Variants in PRIM2 observed in about 807,000 individuals in gnomAD.
PRIM2 encodes the protein DNA primase large subunit.
PRIM2 carries 39 observed loss-of-function variants against 67.3 expected under a neutral mutation model. That is an observed-to-expected ratio of 0.58 (90% CI 0.45 to 0.76). PRIM2 has a LOEUF of 0.76. PRIM2 is among the 30% of genes least tolerant of loss of function. PRIM2 has a pLI of 0.00. For synonymous variants in PRIM2, 143 were observed against 198.7 expected (o/e 0.72, Z 2.36); for missense variants, 398 against 598.7 (o/e 0.66, Z 3.50).
intron 5 of PRIM2, among the ~76,000 whole-genome samples, chr6:57,357,898 C>T (rs927408013): frequency 3.3e-5 from 5 of 152,170 alleles, no homozygotes; most frequent in African/African-American, 1.2e-4. Flanking sequence ...CCGGCTTCCT[C>T]TGTCAGAGCA....
intron 10 of PRIM2, among the ~76,000 whole-genome samples, chr6:57,542,938 G>GGTTTTTTTT (rs1581980392): frequency 3.5e-5 from 2 of 56,886 alleles, no homozygotes; most frequent in African/African-American, 1.1e-4. Context: ...CTGCTTATAG[G>GGTTTTTTTT]ATTTTTTTTT....
intron 7 of PRIM2, among the ~76,000 whole-genome samples, chr6:57,505,512 T>G (rs1368421018): frequency 5.3e-5 from 8 of 152,084 alleles, no homozygotes; most frequent in Non-Finnish European, 1.2e-4. Flanking sequence ...AAAAGGAAAA[T>G]TTTAAGAAAA....
intron 10 of PRIM2, among the ~76,000 whole-genome samples, chr6:57,551,764 C>G (rs1490328884): frequency 3.9e-4 from 60 of 152,144 alleles, no homozygotes; most frequent in Non-Finnish European, 5.3e-4. Flanking sequence ...TTGGTGATTA[C>G]TGCTATGAAG....
At chr6:57,430,359 T>C (rs1223348904) in intron 7 of PRIM2, among the ~76,000 whole-genome samples, 4 of 151,918 alleles carry the variant, frequency 2.6e-5, no homozygotes, top group Admixed American at 6.6e-5. Context: ...CCAGAAGACA[T>C]TGGATTAAAG....
Position 57,342,759 on chromosome 6 carries a change from G to A in PRIM2, c.459+16714G>A, listed in dbSNP as rs571868007. 4.0e-4 allele frequency among the ~76,000 whole-genome samples: 61 copies of A among 152,316 alleles called. 1 individual carries two copies. The South Asian group carries it at 0.011, about 28-fold the overall frequency. On this transcript the variant is annotated intron_variant, in intron 5 of 13. Transcript: ENST00000615550. ...GACCTAGTGTTCAGTTGCTATTTAT[G>A]TTCAGGGAAGTGAGGGCTTTTGGGT...
the PRIM2 span, among the ~76,000 whole-genome samples, chr6:57,244,555 G>A: frequency 6.6e-6 from 1 of 152,094 alleles, no homozygotes. Context: ...GAAGTCGGGA[G>A]TTCGAGACCA....
intron 8 of PRIM2, among the ~76,000 whole-genome samples, chr6:57,521,301 C>A (rs1225979432): frequency 1.5e-4 from 22 of 150,758 alleles, no homozygotes; most frequent in African/African-American, 5.1e-4. Flanking sequence ...CCTACCCACC[C>A]AACAAATCCA....
chr6:57,520,196 G>A (rs1774582515), intron 8 of PRIM2, among the ~76,000 whole-genome samples: 1 of 152,190 alleles, frequency 6.6e-6, no homozygotes, highest in Admixed American at 6.5e-5. Context: ...CACTGTGGCA[G>A]TTATTGGGGA....
chr6:57,441,486 A>T (rs12211084), intron 7 of PRIM2, among the ~76,000 whole-genome samples: 1 of 151,872 alleles, frequency 6.6e-6, no homozygotes, highest in Non-Finnish European at 1.5e-5. Context: ...TTTCATCAAC[A>T]TTTTTTTTGA....
the PRIM2 span, among the ~76,000 whole-genome samples, chr6:57,252,933 A>G: frequency 1.3e-5 from 2 of 152,242 alleles, no homozygotes; most frequent in East Asian, 1.9e-4. Context: ...GGAAGGAAAG[A>G]AAGGTATTGG....
intron 12 of PRIM2, among the ~76,000 whole-genome samples, chr6:57,612,608 C>T (rs1776687122): frequency 6.6e-6 from 1 of 152,120 alleles, no homozygotes; most frequent in Admixed American, 6.6e-5. Context: ...TGGGAATGAT[C>T]TGTGTTGATT....
At chr6:57,437,481 TCTTTA>T (rs1231170439) in intron 7 of PRIM2, among the ~76,000 whole-genome samples, 3 of 152,158 alleles carry the variant, frequency 2.0e-5, no homozygotes, top group Non-Finnish European at 2.9e-5. Context: ...TCTCTCCTAC[TCTTTA>T]CTTAGCACAG....
Position 57,441,085 on chromosome 6 carries a change from C to A in PRIM2, c.693+58917C>A, listed in dbSNP as rs5013418. Among the ~76,000 whole-genome samples the A allele has an allele frequency of 2.0e-5, 3 of 152,178 alleles. No homozygotes were observed. In the South Asian group the frequency reaches 6.2e-4, roughly 32 times the overall value. ...GCATTGTTTGTCATTTAATAAGAGT[C>A]AGTGACGTTGTGCTGATTGTCACTA... On this transcript the variant is annotated intron_variant, in intron 7 of 13. Coordinates refer to ENST00000615550, the MANE Select transcript of PRIM2 (RefSeq NM_000947.5).
At chr6:57,595,459 A>T (rs1451788409) in intron 10 of PRIM2, among the ~76,000 whole-genome samples, 1 of 152,076 alleles carries the variant, frequency 6.6e-6, no homozygotes, top group Non-Finnish European at 1.5e-5. Context: ...CACTAACTAG[A>T]GCTCGTGCAG....
At chr6:57,257,624 A>G in the PRIM2 span, among the ~76,000 whole-genome samples, 34 of 152,122 alleles carry the variant, frequency 2.2e-4, no homozygotes, top group African/African-American at 8.2e-4. Context: ...GTGGTAAACT[A>G]CTCATGGTAA....
At chr6:57,348,840 C>G (rs969166405) in intron 5 of PRIM2, among the ~76,000 whole-genome samples, 1 of 150,522 alleles carries the variant, frequency 6.6e-6, no homozygotes, top group African/African-American at 2.5e-5. Context: ...CTCTGCCTCC[C>G]GGGTTCAAGC....
intron 12 of PRIM2, among the ~76,000 whole-genome samples, chr6:57,626,499 C>G (rs1225443715): frequency 6.6e-6 from 1 of 151,464 alleles, no homozygotes; most frequent in African/African-American, 2.4e-5. Context: ...AGGTGCTTTA[C>G]TAGAATTCTC....
the PRIM2 span, among the ~76,000 whole-genome samples, chr6:57,255,250 G>C: frequency 6.6e-6 from 1 of 152,146 alleles, no homozygotes; most frequent in South Asian, 2.1e-4. Flanking sequence ...TGTAATCCCA[G>C]CACTCTGGGA....
chr6:57,334,538 A>G (rs953437795), intron 5 of PRIM2, among the ~76,000 whole-genome samples: 5 of 152,116 alleles, frequency 3.3e-5, no homozygotes, highest in Admixed American at 6.5e-5. Flanking sequence ...AGTGGTGCAC[A>G]CCTGTAATCC....
Sources: gnomAD v4.1 joint callset for allele counts (sites outside exome capture counted in the v4.1 genomes callset) on GRCh38, gnomAD v4.1.1 for gene constraint, MANE v1.5 for transcripts, NCBI Gene and HGNC (gene_info 2026-07-23, HGNC 2026-07-21) for gene names.